C4orf51: variants seen among roughly 807,000 people sequenced by gnomAD.
C4orf51 encodes chromosome 4 open reading frame 51.
C4orf51 carries 25 observed loss-of-function variants against 25.2 expected under a neutral mutation model. The observed-to-expected ratio is 0.99, with a 90% CI of 0.72 to 1.39. The LOEUF (loss-of-function observed/expected upper bound fraction) is 1.39. Ranked by LOEUF, C4orf51 falls within the 40% of genes most tolerant of loss-of-function variation. C4orf51 has a pLI of 0.00. For missense variants in C4orf51, 252 were observed against 239.6 expected (o/e 1.05, Z -0.34); for synonymous variants, 100 against 84.5 (o/e 1.18, Z -1.01).
intron 1 of C4orf51, among the ~76,000 whole-genome samples, chr4:145,684,617 T>G (rs1238226188): frequency 6.6e-6 from 1 of 152,184 alleles, no homozygotes; most frequent in Non-Finnish European, 1.5e-5. Context: ...ATAATTGATG[T>G]GTCTGTGTAG....
At chr4:145,728,773 T>G (rs1462708273) in intron 3 of C4orf51, among the ~76,000 whole-genome samples, 1 of 152,230 alleles carries the variant, frequency 6.6e-6, no homozygotes, top group Non-Finnish European at 1.5e-5. Context: ...ATGATAATGA[T>G]AGTATATTTC....
chr4:145,696,775 G>A, intron 2 of C4orf51, 143 bp downstream of exon 2: 1 of 616,546 alleles, frequency 1.6e-6, no homozygotes, highest in Non-Finnish European at 2.8e-6. Context: ...GCTCACACCT[G>A]TACTCTCAGT....
chr4:145,784,146 A>G, the C4orf51 span, among the ~76,000 whole-genome samples: 2 of 152,170 alleles, frequency 1.3e-5, no homozygotes, highest in South Asian at 4.1e-4. Context: ...TGCCAGCATC[A>G]TGCTTCCTGT....
intron 2 of C4orf51, among the ~76,000 whole-genome samples, chr4:145,697,174 G>A (rs1242645946): frequency 1.3e-5 from 2 of 149,008 alleles, no homozygotes; most frequent in Non-Finnish European, 3.0e-5. Flanking sequence ...ATCTTGGCTC[G>A]CTGCAAACTT....
chr4:145,772,835 C>T (rs995185059), downstream of C4orf51, among the ~76,000 whole-genome samples: 16 of 152,238 alleles, frequency 1.1e-4, no homozygotes, highest in African/African-American at 3.9e-4. Flanking sequence ...ACAATGAGCC[C>T]TGAATCCTGC....
intron 1 of C4orf51, among the ~76,000 whole-genome samples, chr4:145,689,989 G>A (rs901325359): frequency 2.6e-5 from 4 of 151,800 alleles, no homozygotes; most frequent in Non-Finnish European, 4.4e-5. Context: ...CGGATTACCT[G>A]AGGTCAGGAG....
At chr4:145,783,556 T>C in the C4orf51 span, among the ~76,000 whole-genome samples, 1 of 152,248 alleles carries the variant, frequency 6.6e-6, no homozygotes, top group Non-Finnish European at 1.5e-5. Context: ...GCAGTTGCTA[T>C]TTTCAGTTAA....
intron 1 of C4orf51, among the ~76,000 whole-genome samples, chr4:145,749,851 G>T (rs916690192): frequency 1.3e-5 from 2 of 151,998 alleles, no homozygotes; most frequent in African/African-American, 2.4e-5. Flanking sequence ...AGCCAGGATG[G>T]TCTCGATCTC....
chr4:145,779,629 A>C, the C4orf51 span: 1 of 1,366,146 alleles, frequency 7.3e-7, no homozygotes, highest in Non-Finnish European at 9.9e-7. Context: ...AGTAATTGCA[A>C]ATGAGTCTCC....
chr4:145,731,603 A>G (rs1271508010), intron 5 of C4orf51, among the ~76,000 whole-genome samples: 1 of 63,618 alleles, frequency 1.6e-5, no homozygotes. Context: ...TTTTTGAGAC[A>G]GGAGTTTCAC....
intron 1 of C4orf51, 36 bp from the exon 2 acceptor site, chr4:145,696,523 A>T: frequency 6.6e-7 from 1 of 1,521,612 alleles, no homozygotes; most frequent in Non-Finnish European, 9.1e-7. Context: ...TAAATCCATA[A>T]ATTTGTAACT....
chr4:145,791,639 T>G, the C4orf51 span, among the ~76,000 whole-genome samples: 2 of 152,212 alleles, frequency 1.3e-5, no homozygotes, highest in Non-Finnish European at 2.9e-5. Context: ...ACACATATAC[T>G]TTCTTTAATG....
chr4:145,765,653 A>G lies in C4orf51; in HGVS notation n.167-5335A>G, dbSNP rs776533591. On this transcript the variant is annotated intron_variant and non_coding_transcript_variant, in intron 1 of 1. Transcript: ENST00000510096. The surrounding 1 kb of genome is among the most constrained non-coding windows in gnomAD (Gnocchi z 4.7). Reference sequence around the variant, plus strand: ...TGTTTTTCTGGGAGCCATCTGAATCATCTTTGCTGTTGGCTGAATCACTCA... The same window carrying G: ...TGTTTTTCTGGGAGCCATCTGAATCGTCTTTGCTGTTGGCTGAATCACTCA... The G allele has an allele frequency of 6.2e-7, 1 of 1,614,156 alleles. No homozygotes were observed. Among genetic ancestry groups the G allele is most frequent in the Admixed American group, 1.7e-5 (1 of 60,022 alleles).
chr4:145,729,841 TAG>T, intron 4 of C4orf51, 49 bp from the exon 5 acceptor site: 1 of 1,483,820 alleles, frequency 6.7e-7, no homozygotes. Context: ...TCACTTATGG[TAG>T]ACTCTCTTTA....
chr4:145,765,240 T>A lies in C4orf51; in HGVS notation n.167-5748T>A. On this transcript the variant is annotated intron_variant and non_coding_transcript_variant, in intron 1 of 1. Transcript: ENST00000510096. The surrounding 1 kb of genome is among the most constrained non-coding windows in gnomAD (Gnocchi z 4.7). ...GAGGGCAGGAGTGGAGCCAAGCTCC[T>A]CCCCACTTCCTCCCGCCTCCTCCGA... The A allele has an allele frequency of 6.9e-7, 1 of 1,454,014 alleles. No homozygotes were observed. Among genetic ancestry groups the A allele is most frequent in the Non-Finnish European group, 9.2e-7 (1 of 1,087,826 alleles). 90.1% of individuals were successfully genotyped at this position (1,454,014 alleles called of 1,614,324 possible). A position where few individuals can be genotyped will look rare whatever the true frequency, so the allele number is the denominator to read the frequency against.
At chr4:145,724,844 C>A (rs111391988) in intron 2 of C4orf51, among the ~76,000 whole-genome samples, 1,475 of 133,780 alleles carry the variant, frequency 0.011, 31 homozygotes, top group African/African-American at 0.041. Context: ...TGATCATGCA[C>A]TGCACTCCAG....
At chr4:145,692,556 G>A (rs1729655493) in intron 1 of C4orf51, among the ~76,000 whole-genome samples, 2 of 152,206 alleles carry the variant, frequency 1.3e-5, no homozygotes, top group African/African-American at 4.8e-5. Flanking sequence ...AACTGCTGCT[G>A]TCATTAGGAG....
At chr4:145,727,018 T>C (rs1456289196) in intron 3 of C4orf51, 49 bp downstream of exon 3, 1 of 1,367,548 alleles carries the variant, frequency 7.3e-7, no homozygotes, top group Admixed American at 1.8e-5. Flanking sequence ...GAGCTTAAAT[T>C]ATTATACACT....
At chr4:145,779,939 C>G in the C4orf51 span, among the ~76,000 whole-genome samples, 2 of 152,328 alleles carry the variant, frequency 1.3e-5, no homozygotes, top group Admixed American at 1.3e-4. Context: ...ACCTGTAATC[C>G]CAGCACTTTG....
Sources: allele counts gnomAD v4.1 joint callset (sites outside exome capture counted in the v4.1 genomes callset), GRCh38; gene constraint gnomAD v4.1.1; non-coding constraint Gnocchi (gnomAD v3.1); transcripts MANE v1.5; gene names NCBI Gene and HGNC (gene_info 2026-07-23, HGNC 2026-07-21).